CLMN: variants seen among roughly 807,000 people sequenced by gnomAD.
CLMN encodes the protein calmin.
Under a neutral mutation model 92.7 loss-of-function variants are expected in CLMN, and 57 were observed. That is an observed-to-expected ratio of 0.61 (90% CI 0.50 to 0.77). CLMN has a LOEUF of 0.77. CLMN is among the 30% of genes least tolerant of loss of function. CLMN has a pLI of 0.00. For missense variants in CLMN, 1,158 were observed against 1,237.5 expected (o/e 0.94, Z 0.96); for synonymous variants, 466 against 470.6 (o/e 0.99, Z 0.13).
intron 9 of CLMN, among the ~76,000 whole-genome samples, chr14:95,198,028 ATCTTTTTTTCTT>A (rs1566859302): frequency 6.9e-6 from 1 of 144,224 alleles, no homozygotes; most frequent in African/African-American, 2.5e-5. Context: ...CTGGGAAAAT[ATCTTTTTTTCTT>A]TCTTTTTTTT....
chr14:95,243,551 A>C (rs1898340030), intron 1 of CLMN, among the ~76,000 whole-genome samples: 1 of 151,914 alleles, frequency 6.6e-6, no homozygotes, highest in Non-Finnish European at 1.5e-5. Context: ...CCCTCACCTA[A>C]CCCCTACTAA....
At position 95,204,207 on chromosome 14, in the gene CLMN, T is replaced by C; in HGVS notation, c.1142A>G (p.His381Arg). 1.9e-6 allele frequency: 3 copies of C among 1,614,124 alleles called. No homozygotes were observed. Among genetic ancestry groups the C allele is most frequent in the Non-Finnish European group, 2.5e-6 (3 of 1,180,014 alleles). The change falls in exon 9 of 13, where the codon CAC (histidine) becomes CGC (arginine). Residue 381 changes from histidine to arginine, a missense_variant. Transcript: ENST00000298912. ...ALSDSSTEFM[H>R]QIIDQVLQGG... ...TTGCAGGACCTGGTCAATAATCTGG[T>C]GCATGAACTCGGTGGAGCTGTCTGA... is the stretch of plus-strand genomic sequence containing the variant.
intron 1 of CLMN, among the ~76,000 whole-genome samples, chr14:95,253,153 C>T (rs1898855496): frequency 1.3e-5 from 2 of 152,198 alleles, no homozygotes. Context: ...GCTCCATGCC[C>T]ACTGTGGCCC....
At chr14:95,236,229 C>T (rs777407343) in intron 1 of CLMN, among the ~76,000 whole-genome samples, 38 of 152,222 alleles carry the variant, frequency 2.5e-4, no homozygotes, top group Non-Finnish European at 4.0e-4. Flanking sequence ...GAACACGTGA[C>T]GGCTGAGGTG....
intron 1 of CLMN, among the ~76,000 whole-genome samples, chr14:95,244,988 T>TACAC (rs140106985): frequency 0.12 from 16,820 of 135,692 alleles, 1,605 homozygotes; most frequent in African/African-American, 0.25. Context: ...TATATGTGTA[T>TACAC]ACACACACAC....
At chr14:95,313,403 G>A (rs1432681510) in intron 1 of CLMN, among the ~76,000 whole-genome samples, 2 of 152,188 alleles carry the variant, frequency 1.3e-5, no homozygotes, top group African/African-American at 4.8e-5. Flanking sequence ...AGCAGCTATA[G>A]GCAATATGCA....
At chr14:95,317,640 G>A (rs4905290) in intron 1 of CLMN, among the ~76,000 whole-genome samples, 115,686 of 151,562 alleles carry the variant, frequency 0.76, 44,167 homozygotes, top group East Asian at 0.89. Context: ...GTATGATCCA[G>A]TTGTATATCA....
intron 9 of CLMN, among the ~76,000 whole-genome samples, chr14:95,201,355 C>A (rs1896875429): frequency 1.3e-5 from 2 of 151,486 alleles, no homozygotes; most frequent in South Asian, 2.1e-4. Context: ...CCTGGATTTC[C>A]AGCCCTCCCC....
chr14:95,255,683 T>G (rs1039431940), intron 1 of CLMN, among the ~76,000 whole-genome samples: 7 of 152,112 alleles, frequency 4.6e-5, no homozygotes, highest in African/African-American at 1.7e-4. Context: ...CCTTTCACAA[T>G]TCACAAGCCA....
intron 1 of CLMN, among the ~76,000 whole-genome samples, chr14:95,279,114 C>T (rs1343778726): frequency 1.3e-5 from 2 of 152,066 alleles, no homozygotes; most frequent in Non-Finnish European, 2.9e-5. Context: ...ACTTAATTGG[C>T]TTAAAGAAAA....
Position 95,203,585 on chromosome 14 carries a change from C to T in CLMN, c.1764G>A (p.Glu588=). 2 of 1,614,130 alleles carry T rather than the reference C, an allele frequency of 1.2e-6. No individual in the cohort carries two copies. The highest frequency in any genetic ancestry group is 1.7e-6 in the Non-Finnish European group (2 of 1,180,030). ...QAFNKVPSPH[E]TKPDEDAEAF... ...CCTCAGCATCCTCGTCAGGTTTTGT[C>T]TCATGAGGTGAAGGAACTTTGTTGA... Residue 588 remains glutamate, a synonymous_variant, in exon 9 of 13, where the codon GAG becomes GAA. Coordinates refer to ENST00000298912, the MANE Select transcript of CLMN (RefSeq NM_024734.4).
intron 10 of CLMN, among the ~76,000 whole-genome samples, chr14:95,195,225 A>C (rs1250798189): frequency 6.6e-6 from 1 of 152,240 alleles, no homozygotes; most frequent in Non-Finnish European, 1.5e-5. Flanking sequence ...CTTAGGGAGA[A>C]GCTGAGCAGT....
chr14:95,267,545 G>A (rs1228936046), intron 1 of CLMN, among the ~76,000 whole-genome samples: 2 of 152,178 alleles, frequency 1.3e-5, no homozygotes, highest in Admixed American at 6.5e-5. Context: ...GGATGCTGGT[G>A]AGAATGTGGA....
At chr14:95,208,930 G>C (rs1013638346) in intron 8 of CLMN, among the ~76,000 whole-genome samples, 1 of 152,130 alleles carries the variant, frequency 6.6e-6, no homozygotes, top group Non-Finnish European at 1.5e-5. Flanking sequence ...GTAGCTGTCT[G>C]GATGATCAGA....
rs1897544684 is a variant in CLMN at position 95,221,685 on chromosome 14, A to G, written c.324+6T>C. On this transcript the variant is annotated splice_donor_region_variant and intron_variant, in intron 4 of 12. Transcript: ENST00000298912. ...TGTGTTAGCAGGATGAGCTTCAAAC[A>G]CTTACATTGCTATCTTCCAAAAACT... The G allele has an allele frequency of 1.2e-6, 2 of 1,612,344 alleles. No individual in the cohort carries two copies. Among genetic ancestry groups the G allele is most frequent in the African/African-American group, 1.3e-5 (1 of 74,842 alleles).
chr14:95,316,592 C>T (rs1259906472), intron 1 of CLMN, among the ~76,000 whole-genome samples: 1 of 152,212 alleles, frequency 6.6e-6, no homozygotes, highest in African/African-American at 2.4e-5. Flanking sequence ...AATCACATTG[C>T]ATGGATTTCA....
intron 4 of CLMN, among the ~76,000 whole-genome samples, chr14:95,216,591 C>CA (rs1193921248): frequency 2.0e-5 from 3 of 152,236 alleles, no homozygotes; most frequent in African/African-American, 7.2e-5. Context: ...AGAGCACCGA[C>CA]ATGAGCAGTC....
chr14:95,216,669 G>A (rs1300293912), intron 4 of CLMN, among the ~76,000 whole-genome samples: 1 of 152,206 alleles, frequency 6.6e-6, no homozygotes, highest in Non-Finnish European at 1.5e-5. Flanking sequence ...TATACCCAGG[G>A]TTTCTGCACC....
chr14:95,304,805 C>T (rs964312825), intron 1 of CLMN, among the ~76,000 whole-genome samples: 2 of 152,136 alleles, frequency 1.3e-5, no homozygotes, highest in African/African-American at 4.8e-5. Context: ...TCACCCCCAG[C>T]AGCCTGGTCT....
Sources: allele counts gnomAD v4.1 joint callset (sites outside exome capture counted in the v4.1 genomes callset), GRCh38; gene constraint gnomAD v4.1.1; transcripts MANE v1.5; gene names NCBI Gene and HGNC (gene_info 2026-07-23, HGNC 2026-07-21).